PLCH1: variants seen among roughly 807,000 people sequenced by gnomAD.
PLCH1 encodes the protein phospholipase C eta 1.
PLCH1 carries 60 observed loss-of-function variants against 126.7 expected under a neutral mutation model. The ratio of observed to expected loss-of-function variants is 0.47; its 90% CI spans 0.38 to 0.59. PLCH1 has a LOEUF of 0.59. PLCH1 is among the 20% of genes least tolerant of loss of function. The pLI is 0.00. For missense variants in PLCH1, 1,723 were observed against 2,040.0 expected (o/e 0.84, Z 2.99); for synonymous variants, 719 against 734.9 (o/e 0.98, Z 0.35).
In PLCH1 at chr3:155,482,644, T is replaced by C; in HGVS notation, c.3382A>G (p.Lys1128Glu). 6.2e-7 allele frequency: 1 copy of C among 1,614,224 alleles called. No individual in the cohort carries two copies. The change falls in exon 23 of 23, where the codon AAG becomes GAG. Residue 1128 changes from lysine (K) to glutamate (E), a missense_variant. Transcript: ENST00000460012. ...SVLSHSNLEI[K>E]NLEGNRGKGR... The stretch of plus-strand genomic sequence containing the variant: ...TTACCCCTATTACCTTCCAGGTTCT[T>C]AATTTCTAGGTTGCTATGAGAAAGG...
intron 8 of PLCH1, among the ~76,000 whole-genome samples, chr3:155,554,397 C>A (rs1294953976): frequency 6.6e-6 from 1 of 152,150 alleles, no homozygotes; most frequent in Admixed American, 6.5e-5. Context: ...TTCCTCAAGA[C>A]ACAATGATTT....
intron 11 of PLCH1, among the ~76,000 whole-genome samples, chr3:155,518,073 G>A (rs1003014407): frequency 2.0e-5 from 3 of 152,300 alleles, no homozygotes; most frequent in Admixed American, 2.0e-4. Context: ...GGATACACTG[G>A]ACAAAGGGAT....
intron 8 of PLCH1, among the ~76,000 whole-genome samples, 180 bp downstream of exon 8, chr3:155,564,735 A>G (rs962409188): frequency 1.3e-5 from 2 of 152,182 alleles, no homozygotes; most frequent in African/African-American, 4.8e-5. Flanking sequence ...CTTTCTCCCA[A>G]TTGAACAATA....
In PLCH1 at chr3:155,497,348, G is replaced by T. The variant is rs572724646; in HGVS notation, c.1866C>A (p.Ser622=). ...ELSDLVVYTN[S]VAAQDIVDDG... ...CATCCACAATGTCCTGAGCGGCCAC[G>T]GAGTTTGTGTACACAACCAAATCAG... is the stretch of plus-strand genomic sequence containing the variant. Residue 622 remains serine, a synonymous_variant, in exon 15 of 23, where the codon TCC becomes TCA. Transcript: ENST00000460012. 1.2e-6 allele frequency: 2 copies of T among 1,613,140 alleles called. No homozygotes were observed. Among genetic ancestry groups the T allele is most frequent in the African/African-American group, 1.3e-5 (1 of 74,992 alleles).
intron 2 of PLCH1, among the ~76,000 whole-genome samples, chr3:155,697,341 G>T (rs927851614): frequency 6.6e-6 from 1 of 152,148 alleles, no homozygotes; most frequent in African/African-American, 2.4e-5. Context: ...AGCTGTCAGT[G>T]GTTGGGGGGC....
rs567599561 is a variant in PLCH1, at chr3:155,745,024, C to T, written c.-225G>A. The T allele has an allele frequency of 3.3e-5, 5 of 152,684 alleles. No individual in the cohort carries two copies. The highest frequency in any genetic ancestry group is 7.2e-5 in the African/African-American group (3 of 41,466). The allele number at this position is 152,684 out of a possible 1,614,324, so 9.5% of individuals were successfully genotyped here. On this transcript the variant is annotated 5_prime_UTR_variant, in exon 1 of 23. Transcript: ENST00000460012. ...CCCACTAGCCAGCAGAAGCCCCAGACGAGCGGGGAAGAGCAGGGCGCCGCC... is the reference window on the plus strand; with the variant it reads ...CCCACTAGCCAGCAGAAGCCCCAGATGAGCGGGGAAGAGCAGGGCGCCGCC...
intron 6 of PLCH1, among the ~76,000 whole-genome samples, chr3:155,570,168 C>G (rs1016359091): frequency 2.1e-4 from 32 of 152,070 alleles, no homozygotes; most frequent in Non-Finnish European, 5.9e-5. Flanking sequence ...GACTCCCAAC[C>G]TTCCCCATCC....
intron 21 of PLCH1, among the ~76,000 whole-genome samples, chr3:155,453,542 A>C (rs922825597): frequency 7.9e-5 from 12 of 152,168 alleles, no homozygotes; most frequent in African/African-American, 2.7e-4. Context: ...AAAGTAAATC[A>C]TATAAACTTG....
intron 10 of PLCH1, among the ~76,000 whole-genome samples, chr3:155,524,823 C>G (rs1480639537): frequency 6.6e-6 from 1 of 151,962 alleles, no homozygotes; most frequent in East Asian, 1.9e-4. Context: ...TCAAGACCAG[C>G]CTAGGCAAAA....
intron 13 of PLCH1, among the ~76,000 whole-genome samples, chr3:155,501,427 T>C (rs1358923926): frequency 6.6e-6 from 1 of 152,196 alleles, no homozygotes; most frequent in Non-Finnish European, 1.5e-5. Context: ...ATAAAACTTT[T>C]TTGGGATGGT....
chr3:155,540,660 A>G (rs1249364466), intron 10 of PLCH1, among the ~76,000 whole-genome samples: 1 of 152,194 alleles, frequency 6.6e-6, no homozygotes, highest in Non-Finnish European at 1.5e-5. Context: ...ATCACTAATA[A>G]TCAGGGAAAT....
At chr3:155,732,999 AT>A (rs1748888505) in intron 1 of PLCH1, among the ~76,000 whole-genome samples, 1 of 152,128 alleles carries the variant, frequency 6.6e-6, no homozygotes. Flanking sequence ...GTAGGAATAA[AT>A]TTAACCAAGG....
At chr3:155,717,953 G>T (rs1747656679) in intron 1 of PLCH1, among the ~76,000 whole-genome samples, 1 of 152,152 alleles carries the variant, frequency 6.6e-6, no homozygotes, top group African/African-American at 2.4e-5. Flanking sequence ...AGCTCTGCTT[G>T]CTATTTAAAT....
intron 2 of PLCH1, among the ~76,000 whole-genome samples, chr3:155,662,026 G>A (rs879840417): frequency 2.6e-5 from 4 of 152,184 alleles, no homozygotes; most frequent in South Asian, 2.1e-4. Context: ...ACCTGAGTTA[G>A]GGCTGTCACC....
intron 1 of PLCH1, among the ~76,000 whole-genome samples, chr3:155,709,608 CCATT>C (rs1746938635): frequency 6.6e-6 from 1 of 152,122 alleles, no homozygotes; most frequent in African/African-American, 2.4e-5. Context: ...ATTCATTCAT[CCATT>C]CATTCATTCA....
intron 1 of PLCH1, among the ~76,000 whole-genome samples, chr3:155,709,264 G>A (rs143131964): frequency 6.6e-6 from 1 of 152,336 alleles, no homozygotes; most frequent in East Asian, 1.9e-4. Flanking sequence ...TTTTTGTGTG[G>A]ATATAAGTTT....
intron 10 of PLCH1, among the ~76,000 whole-genome samples, chr3:155,528,848 C>T (rs1469484005): frequency 2.0e-5 from 3 of 152,124 alleles, no homozygotes; most frequent in Non-Finnish European, 4.4e-5. Flanking sequence ...AAGAAGCTGC[C>T]TCTCAGAGTA....
chr3:155,611,009 G>C (rs1167217226), intron 2 of PLCH1, among the ~76,000 whole-genome samples: 1 of 152,152 alleles, frequency 6.6e-6, no homozygotes, highest in East Asian at 1.9e-4. Flanking sequence ...TTAAGGTAGA[G>C]GGGTAGAAAA....
intron 2 of PLCH1, among the ~76,000 whole-genome samples, chr3:155,623,506 A>G (rs1458079623): frequency 9.9e-5 from 15 of 152,112 alleles, no homozygotes. Flanking sequence ...TAGATAGACC[A>G]CTAGCCAGAC....
Sources: allele counts gnomAD v4.1 joint callset (sites outside exome capture counted in the v4.1 genomes callset), GRCh38; gene constraint gnomAD v4.1.1; transcripts MANE v1.5; gene names NCBI Gene and HGNC (gene_info 2026-07-23, HGNC 2026-07-21).